Variants in GTF2I observed in about 807,000 individuals in gnomAD.
GTF2I encodes general transcription factor II-I.
A neutral mutation model predicts 67.6 loss-of-function variants in GTF2I; 12 were observed. The observed-to-expected ratio is 0.18, with a 90% CI of 0.11 to 0.29. The LOEUF (loss-of-function observed/expected upper bound fraction) is 0.29. GTF2I is among the 10% of genes least tolerant of loss of function. GTF2I has a pLI of 1.00. For synonymous variants in GTF2I, 149 were observed against 197.0 expected (o/e 0.76, Z 2.04); for missense variants, 271 against 580.1 (o/e 0.47, Z 5.47).
chr7:74,664,959 G>C (rs1469535739), intron 1 of GTF2I, among the ~76,000 whole-genome samples: 1 of 132,766 alleles, frequency 7.5e-6, no homozygotes, highest in Non-Finnish European at 1.6e-5. Flanking sequence ...TTTTTTTTTT[G>C]AGACAGAGTT....
chr7:74,724,805 C>G lies in GTF2I; in HGVS notation c.944-3981C>G, dbSNP rs189306309. Among the ~76,000 whole-genome samples the G allele has an allele frequency of 1.7e-3, 258 of 152,094 alleles. 8 individuals are homozygous for G. In the East Asian group the frequency reaches 0.043, roughly 25 times the overall value. ...GCGTGGTGGTGGGCGCCTGTAATCCCAGCTACTCTGGAGGCTGAGGCAGGA... is the reference window on the plus strand; with the variant it reads ...GCGTGGTGGTGGGCGCCTGTAATCCGAGCTACTCTGGAGGCTGAGGCAGGA... On this transcript the variant is annotated intron_variant, in intron 12 of 34. Coordinates refer to ENST00000573035, the MANE Select transcript of GTF2I (RefSeq NM_032999.4).
At chr7:74,710,875 C>T (rs587761435) in intron 8 of GTF2I, among the ~76,000 whole-genome samples, 157 bp from the exon 9 acceptor site, 18 of 152,294 alleles carry the variant, frequency 1.2e-4, no homozygotes, top group African/African-American at 4.3e-4. Context: ...TTTTTACCTT[C>T]TGCTACCTAG....
chr7:74,678,367 C>T (rs1562942997), intron 1 of GTF2I, among the ~76,000 whole-genome samples: 1 of 151,986 alleles, frequency 6.6e-6, no homozygotes, highest in Non-Finnish European at 1.5e-5. Context: ...TTTTATTCAT[C>T]TAAGCATCTA....
chr7:74,658,549 T>C (rs1804150820), intron 1 of GTF2I, among the ~76,000 whole-genome samples: 1 of 148,438 alleles, frequency 6.7e-6, no homozygotes. Context: ...CGTCGTGGGG[T>C]CGCGCTCGCC....
Position 74,711,125 on chromosome 7 carries a change from G to T in GTF2I, c.763+16G>T. On this transcript the variant is annotated intron_variant, in intron 9 of 34. Coordinates refer to ENST00000573035, the MANE Select transcript of GTF2I (RefSeq NM_032999.4). ...AACATTCAAGGTAATTTGAATTAATGCAATTTTTCTTTCTAAAAATTATTC... is the reference window on the plus strand; with the variant it reads ...AACATTCAAGGTAATTTGAATTAATTCAATTTTTCTTTCTAAAAATTATTC... The T allele has an allele frequency of 9.0e-7, 1 of 1,116,958 alleles. No homozygotes were observed. Among genetic ancestry groups the T allele is most frequent in the Non-Finnish European group, 1.3e-6 (1 of 775,090 alleles). The allele number at this position is 1,116,958 out of a possible 1,614,324, so 69.2% of individuals were successfully genotyped here.
At chr7:74,696,334 T>A (rs1788896680) in intron 3 of GTF2I, among the ~76,000 whole-genome samples, 1 of 151,428 alleles carries the variant, frequency 6.6e-6, no homozygotes, top group South Asian at 2.1e-4. Flanking sequence ...TAATTCTCCT[T>A]CTTCTCTTTT....
chr7:74,688,998 C>T, intron 1 of GTF2I, 126 bp from the exon 2 acceptor site: 1 of 654,586 alleles, frequency 1.5e-6, no homozygotes, highest in Non-Finnish European at 2.8e-6. Flanking sequence ...GTTTCTGAGC[C>T]TTATTTTGTC....
At chr7:74,732,714 T>C (rs782307494) in intron 15 of GTF2I, 52 bp downstream of exon 15, 2 of 1,529,534 alleles carry the variant, frequency 1.3e-6, no homozygotes, top group Non-Finnish European at 1.8e-6. Context: ...GAGTAATACG[T>C]CTTTTTTATT....
chr7:74,750,381 G>A (rs1795738120), intron 26 of GTF2I, among the ~76,000 whole-genome samples: 2 of 97,916 alleles, frequency 2.0e-5, no homozygotes, highest in Admixed American at 2.6e-4. Flanking sequence ...GGAGGCGGAG[G>A]AGATCGTGCC....
chr7:74,707,618 C>T (rs1005911398), intron 8 of GTF2I, among the ~76,000 whole-genome samples: 2 of 152,284 alleles, frequency 1.3e-5, no homozygotes, highest in Middle Eastern at 3.4e-3. Flanking sequence ...GAGTCTTTTA[C>T]ACTGTTTGCT....
chr7:74,661,964 C>G (rs1804537849), intron 1 of GTF2I, among the ~76,000 whole-genome samples: 1 of 152,000 alleles, frequency 6.6e-6, no homozygotes, highest in South Asian at 2.1e-4. Flanking sequence ...CCAAAGTCTG[C>G]CACACCACCA....
intron 1 of GTF2I, among the ~76,000 whole-genome samples, chr7:74,674,215 G>A (rs1805703243): frequency 1.3e-5 from 2 of 151,524 alleles, no homozygotes; most frequent in African/African-American, 2.4e-5. Flanking sequence ...GACAACAGGC[G>A]TGTACCACAC....
chr7:74,704,431 CA>C (rs200508239), intron 6 of GTF2I, among the ~76,000 whole-genome samples: 2,940 of 151,938 alleles, frequency 0.019, 41 homozygotes, highest in Non-Finnish European at 0.029. Context: ...ACTGGGATTA[CA>C]GGCGCCCGCC....
chr7:74,721,208 A>C (rs1792945987), intron 12 of GTF2I, among the ~76,000 whole-genome samples: 1 of 151,984 alleles, frequency 6.6e-6, no homozygotes, highest in African/African-American at 2.4e-5. Flanking sequence ...TGCTCGGCTA[A>C]TTTTGTATTT....
intron 1 of GTF2I, among the ~76,000 whole-genome samples, chr7:74,670,041 A>G (rs914044451): frequency 6.6e-6 from 1 of 152,220 alleles, no homozygotes; most frequent in Non-Finnish European, 1.5e-5. Context: ...GTTGGGAAAT[A>G]AGCTATTTTC....
chr7:74,728,181 A>T (rs1439466916), intron 12 of GTF2I: 3 of 152,386 alleles, frequency 2.0e-5, no homozygotes, highest in Non-Finnish European at 4.4e-5. Flanking sequence ...GGGTGCCTGT[A>T]ATCCCAGCTA....
At chr7:74,727,652 A>C (rs1449501385) in intron 12 of GTF2I, 6 of 152,236 alleles carry the variant, frequency 3.9e-5, no homozygotes, top group African/African-American at 1.4e-4. Flanking sequence ...GTTTTTAAAT[A>C]AGAATTTCTT....
chr7:74,719,771 C>T (rs112656460), intron 12 of GTF2I, among the ~76,000 whole-genome samples: 27 of 152,050 alleles, frequency 1.8e-4, no homozygotes, highest in African/African-American at 6.5e-4. Context: ...AAATACAAAA[C>T]TAGCTGGGTG....
chr7:74,670,702 A>C (rs1805376783), intron 1 of GTF2I, among the ~76,000 whole-genome samples: 1 of 151,584 alleles, frequency 6.6e-6, no homozygotes, highest in Non-Finnish European at 1.5e-5. Context: ...AAAAAAACAA[A>C]AAAAAAACAA....
Sources: gnomAD v4.1 joint callset for allele counts (sites outside exome capture counted in the v4.1 genomes callset) on GRCh38, gnomAD v4.1.1 for gene constraint, MANE v1.5 for transcripts, NCBI Gene and HGNC (gene_info 2026-07-23, HGNC 2026-07-21) for gene names.